STEAP3: variants seen among roughly 807,000 people sequenced by gnomAD.
STEAP3 encodes the protein STEAP3 metalloreductase, also known as metalloreductase STEAP3.
STEAP3 carries 35 observed loss-of-function variants against 34.9 expected under a neutral mutation model. The ratio of observed to expected loss-of-function variants is 1.00; its 90% CI spans 0.76 to 1.33. The LOEUF (loss-of-function observed/expected upper bound fraction) is 1.33, where lower values mean the gene tolerates loss of function less well. Ranked by LOEUF, STEAP3 falls within the 40% of genes most tolerant of loss-of-function variation. The probability of loss-of-function intolerance (pLI) is 0.00; values close to 1 mark genes in which losing one functional copy is unlikely to be tolerated. For synonymous variants in STEAP3, 281 were observed against 301.6 expected (o/e 0.93, Z 0.71); for missense variants, 652 against 667.6 (o/e 0.98, Z 0.26).
At chr2:119,254,540 T>G in intron 4 of STEAP3, 144 bp from the exon 5 acceptor site, 10 of 862,864 alleles carry the variant, frequency 1.2e-5, no homozygotes, top group South Asian at 1.6e-5. Context: ...AGTTAATGCC[T>G]GAGAAACGCT....
Position 119,263,819 on chromosome 2 carries a change from C to A in STEAP3, c.*481C>A, listed in dbSNP as rs1465600239. 1 of 274,692 alleles carries A rather than the reference C, an allele frequency of 3.6e-6. No homozygotes were observed. The highest frequency in any genetic ancestry group is 2.2e-5 in the African/African-American group (1 of 44,600). 17.0% of individuals were successfully genotyped at this position (274,692 alleles called of 1,614,324 possible). A position where few individuals can be genotyped will look rare whatever the true frequency, so the allele number is the denominator to read the frequency against. On this transcript the variant is annotated 3_prime_UTR_variant, in exon 6 of 6. Transcript: ENST00000393110. ...CTCTGAAGGGGAGGGAAGGCAACGGCTCTGCCCAGAGCCATCCCTGGAGCA... is the reference window on the plus strand; with the variant it reads ...CTCTGAAGGGGAGGGAAGGCAACGGATCTGCCCAGAGCCATCCCTGGAGCA...
At position 119,248,103 on chromosome 2, in the gene STEAP3, G is replaced by A; in HGVS notation, c.947G>A (p.Gly316Glu). 6.2e-7 allele frequency: 1 copy of A among 1,608,648 alleles called. No homozygotes were observed. The highest frequency in any genetic ancestry group is 8.5e-7 in the Non-Finnish European group (1 of 1,179,906). The change falls in exon 4 of 6, where the codon GGG becomes GAG. Residue 316 changes from glycine (G) to glutamate (E), a missense_variant. Physicochemically the swap from Gly to Glu is moderately conservative, Grantham distance 98. Coordinates refer to ENST00000393110, the MANE Select transcript of STEAP3 (RefSeq NM_182915.3). ...TGGCTACAGCACCGCAAGCAGATCG[G>A]GCTGCTCAGCTTCTTCTGCGCCGCC... ...DHWLQHRKQIGLLSFFCAALH... is the reference protein window; with the variant it reads ...DHWLQHRKQIELLSFFCAALH...
At chr2:119,258,962 G>C (rs1209826212) in intron 5 of STEAP3, among the ~76,000 whole-genome samples, 2 of 142,292 alleles carry the variant, frequency 1.4e-5, no homozygotes, top group Non-Finnish European at 3.0e-5. Flanking sequence ...GTTTGGTTTG[G>C]GTTGTGCTAA....
rs116704668 is a variant in STEAP3 at position 119,234,951 on chromosome 2, C to A, written c.22+3917C>A. The stretch of plus-strand genomic sequence containing the variant: ...GGTAGTAATGAACTGTCCCAGTGAG[C>A]AGTTCTCCCAGACTGGGCTGTCAAA... On this transcript the variant is annotated intron_variant, in intron 2 of 5. Coordinates refer to ENST00000393110, the MANE Select transcript of STEAP3 (RefSeq NM_182915.3). 5.0e-3 allele frequency among the ~76,000 whole-genome samples: 759 copies of A among 152,318 alleles called. 4 individuals are homozygous for A. Among genetic ancestry groups the A allele is most frequent in the African/African-American group, 0.017 (707 of 41,564 alleles).
In STEAP3 at chr2:119,262,335, T is replaced by TACACAC. The variant is rs3054837; in HGVS notation, c.1216-706_1216-701dup. Among the ~76,000 whole-genome samples the TACACAC allele has an allele frequency of 2.2e-3, 336 of 150,154 alleles. 1 individual carries two copies. The highest frequency in any genetic ancestry group is 7.8e-3 in the African/African-American group (321 of 40,910). The stretch of plus-strand genomic sequence containing the variant: ...ATACACACATAACTAGTAAAATTTA[T>TACACAC]ACACACACACACACACACACATATA... On this transcript the variant is annotated intron_variant, in intron 5 of 5. Coordinates refer to ENST00000393110, the MANE Select transcript of STEAP3 (RefSeq NM_182915.3).
chr2:119,230,118 A>T (rs1210668373), intron 1 of STEAP3, among the ~76,000 whole-genome samples: 1 of 152,220 alleles, frequency 6.6e-6, no homozygotes, highest in Non-Finnish European at 1.5e-5. Context: ...CTATTCCAAG[A>T]TCGCTAGGTT....
chr2:119,253,295 G>T (rs1328442146), intron 4 of STEAP3, among the ~76,000 whole-genome samples: 1 of 152,186 alleles, frequency 6.6e-6, no homozygotes, highest in African/African-American at 2.4e-5. Context: ...ACCAAAGTGA[G>T]CCAGGCCTGC....
In STEAP3 at chr2:119,263,129, G is replaced by T; in HGVS notation, c.1288G>T (p.Glu430Ter). The change falls in exon 6 of 6, where the codon GAG (glutamate) becomes TAG (stop). Residue 430 changes from glutamate (E) to a stop codon, truncating the protein, a stop_gained. Coordinates refer to ENST00000393110, the MANE Select transcript of STEAP3 (RefSeq NM_182915.3). LOFTEE classifies it high-confidence loss of function. ...TLTYGWTRAFEESRYKFYLPP... is the reference protein window; with the variant it reads ...TLTYGWTRAF ...CACCTACGGCTGGACCCGCGCCTTC[G>T]AGGAGAGCCGCTACAAGTTCTACCT... 6 of 1,613,508 alleles carry T rather than the reference G, an allele frequency of 3.7e-6. No individual in the cohort carries two copies. The highest frequency in any genetic ancestry group is 4.2e-6 in the Non-Finnish European group (5 of 1,180,026).
intron 3 of STEAP3, chr2:119,247,016 G>C (rs1404339911): frequency 6.6e-6 from 1 of 152,324 alleles, no homozygotes; most frequent in Non-Finnish European, 1.5e-5. Context: ...GCATAGAGTA[G>C]GTGTTCAGTC....
At chr2:119,231,134 C>A in intron 2 of STEAP3, 100 bp downstream of exon 2, 1 of 1,500,954 alleles carries the variant, frequency 6.7e-7, no homozygotes, top group Non-Finnish European at 9.2e-7. Flanking sequence ...CTGGAGGGTG[C>A]CCCTTGAATC....
At chr2:119,236,265 T>C (rs1469704807) in intron 2 of STEAP3, among the ~76,000 whole-genome samples, 1 of 152,208 alleles carries the variant, frequency 6.6e-6, no homozygotes, top group African/African-American at 2.4e-5. Context: ...CGTAGCACTT[T>C]ATTTGTCTCA....
chr2:119,232,424 A>C (rs1433679570), intron 2 of STEAP3, among the ~76,000 whole-genome samples: 1 of 152,146 alleles, frequency 6.6e-6, no homozygotes, highest in Non-Finnish European at 1.5e-5. Context: ...CCTCGCTGGC[A>C]CTTCTCTGCA....
At chr2:119,232,840 C>T (rs1047431357) in intron 2 of STEAP3, among the ~76,000 whole-genome samples, 4 of 152,126 alleles carry the variant, frequency 2.6e-5, no homozygotes, top group Non-Finnish European at 4.4e-5. Flanking sequence ...TACACACCAC[C>T]GTATGCTAGT....
chr2:119,238,243 T>C (rs1677146278), intron 2 of STEAP3, among the ~76,000 whole-genome samples: 1 of 152,272 alleles, frequency 6.6e-6, no homozygotes, highest in African/African-American at 2.4e-5. Flanking sequence ...CCACGGTGCC[T>C]GCACCATTTT....
chr2:119,249,785 G>A (rs758096537), intron 4 of STEAP3, among the ~76,000 whole-genome samples: 65 of 152,128 alleles, frequency 4.3e-4, no homozygotes, highest in Admixed American at 2.7e-3. Context: ...CACAGATACC[G>A]GCATCATTGC....
rs771174576 is a variant in STEAP3, at chr2:119,254,677, A to T, written c.1051-7A>T. 5 of 1,613,802 alleles carry T rather than the reference A, an allele frequency of 3.1e-6. No individual in the cohort carries two copies. On this transcript the variant is annotated splice_polypyrimidine_tract_variant and splice_region_variant and intron_variant, in intron 4 of 5. Coordinates refer to ENST00000393110, the MANE Select transcript of STEAP3 (RefSeq NM_182915.3). Reference sequence around the variant, plus strand: ...AGTGTTCATGGTTTTCCTTCCATCCATGTCAGGTCTTGGCCAACAAGAGCC... The same window carrying T: ...AGTGTTCATGGTTTTCCTTCCATCCTTGTCAGGTCTTGGCCAACAAGAGCC...
intron 4 of STEAP3, among the ~76,000 whole-genome samples, chr2:119,251,127 G>A (rs941003797): frequency 6.6e-6 from 1 of 152,150 alleles, no homozygotes; most frequent in African/African-American, 2.4e-5. Context: ...GGGCACCTGA[G>A]GCTGTTCTGC....
chr2:119,246,519 A>C (rs1677431307), intron 3 of STEAP3: 1 of 155,740 alleles, frequency 6.4e-6, no homozygotes. Flanking sequence ...TGCCACGAGG[A>C]GCTCTTACCA....
At chr2:119,258,042 G>A (rs112062259) in intron 5 of STEAP3, among the ~76,000 whole-genome samples, 1 of 152,290 alleles carries the variant, frequency 6.6e-6, no homozygotes, top group East Asian at 1.9e-4. Context: ...GTTACTTCTT[G>A]ATTATATGCT....
Sources: allele counts gnomAD v4.1 joint callset (sites outside exome capture counted in the v4.1 genomes callset), GRCh38; gene constraint gnomAD v4.1.1; transcripts MANE v1.5; gene names NCBI Gene and HGNC (gene_info 2026-07-23, HGNC 2026-07-21).